Variants in TIAM1 observed in about 807,000 individuals in gnomAD.
TIAM1 encodes rho guanine nucleotide exchange factor TIAM1.
Under a neutral mutation model 163.5 loss-of-function variants are expected in TIAM1, and 65 were observed. The observed-to-expected ratio is 0.40, with a 90% confidence interval of 0.33 to 0.49. TIAM1 has a LOEUF of 0.49. Among genes scored for constraint, TIAM1 ranks in the 20% least tolerant of loss-of-function variants. The pLI is 0.77. For missense variants in TIAM1, 1,789 were observed against 2,044.7 expected, an observed-to-expected ratio of 0.87 and a Z score of 2.41; for synonymous variants, 833 against 810.1, an observed-to-expected ratio of 1.03 and a Z score of -0.48.
chr21:31,132,830 C>T (rs950570507), intron 23 of TIAM1, among the ~76,000 whole-genome samples: 1 of 152,236 alleles, frequency 6.6e-6, no homozygotes, highest in African/African-American at 2.4e-5. Context: ...CAGCCTAAAG[C>T]ATCCACTCTG....
chr21:31,235,912 A>G (rs1293306815), intron 6 of TIAM1, among the ~76,000 whole-genome samples: 2 of 152,204 alleles, frequency 1.3e-5, no homozygotes. Flanking sequence ...GCACTTCAAC[A>G]TCCACATTCT....
At chr21:31,496,421 G>C (rs1357748449) in intron 1 of TIAM1, among the ~76,000 whole-genome samples, 6 of 90,518 alleles carry the variant, frequency 6.6e-5, no homozygotes, top group Admixed American at 4.5e-4. Flanking sequence ...AGTGAGCCAA[G>C]ATTGCATCAC....
At chr21:31,305,604 C>T (rs943214998) in intron 2 of TIAM1, among the ~76,000 whole-genome samples, 14 of 152,122 alleles carry the variant, frequency 9.2e-5, no homozygotes, top group African/African-American at 2.7e-4. Context: ...ATTTTATCAA[C>T]GGCCAGTTGC....
At chr21:31,551,272 G>T (rs1569428483) in intron 1 of TIAM1, among the ~76,000 whole-genome samples, 1 of 151,932 alleles carries the variant, frequency 6.6e-6, no homozygotes, top group Non-Finnish European at 1.5e-5. Flanking sequence ...GCTGGACGTG[G>T]TGGCTCACAC....
At chr21:31,174,710 C>A (rs916187908) in intron 15 of TIAM1, among the ~76,000 whole-genome samples, 2 of 152,172 alleles carry the variant, frequency 1.3e-5, no homozygotes, top group East Asian at 1.9e-4. Flanking sequence ...CGCAGTGGTG[C>A]GATCCCGGCT....
intron 1 of TIAM1, among the ~76,000 whole-genome samples, chr21:31,509,458 G>A (rs543001893): frequency 5.9e-5 from 9 of 152,286 alleles, no homozygotes; most frequent in South Asian, 2.1e-4. Context: ...CTTCCCACCC[G>A]CTCCTCGGGC....
chr21:31,143,596 T>C (rs2082964609), intron 20 of TIAM1, among the ~76,000 whole-genome samples: 1 of 151,898 alleles, frequency 6.6e-6, no homozygotes, highest in Admixed American at 6.6e-5. Flanking sequence ...ATAGATTTTA[T>C]TAGAAAGTTT....
intron 15 of TIAM1, among the ~76,000 whole-genome samples, chr21:31,173,532 A>AAGAGAGAG (rs57981769): frequency 8.8e-5 from 13 of 148,102 alleles, no homozygotes; most frequent in East Asian, 6.0e-4. Context: ...GAGCGAGAGA[A>AAGAGAGAG]AGAGAGAGAG....
chr21:31,536,374 C>T (rs2048134534), intron 1 of TIAM1, among the ~76,000 whole-genome samples: 1 of 152,174 alleles, frequency 6.6e-6, no homozygotes. Context: ...ATGGCACCTG[C>T]CCATGCAAGC....
intron 1 of TIAM1, among the ~76,000 whole-genome samples, chr21:31,472,720 T>C (rs1441650957): frequency 6.6e-6 from 1 of 152,206 alleles, no homozygotes; most frequent in Non-Finnish European, 1.5e-5. Flanking sequence ...TTCTGTAATT[T>C]AATGTTCCTA....
At chr21:31,487,193 T>C (rs1294642649) in intron 1 of TIAM1, among the ~76,000 whole-genome samples, 3 of 152,202 alleles carry the variant, frequency 2.0e-5, no homozygotes, top group Admixed American at 6.5e-5. Context: ...TTTGATGGTG[T>C]CTGAAAACAG....
At chr21:31,292,586 T>G (rs1187244243) in intron 2 of TIAM1, among the ~76,000 whole-genome samples, 1 of 151,684 alleles carries the variant, frequency 6.6e-6, no homozygotes, top group Non-Finnish European at 1.5e-5. Context: ...GCTAGGCTGG[T>G]CTCAAACTCC....
At chr21:31,431,381 G>A (rs9982302) in intron 2 of TIAM1, among the ~76,000 whole-genome samples, 1 of 152,066 alleles carries the variant, frequency 6.6e-6, no homozygotes, top group Admixed American at 6.5e-5. Context: ...GGGGTGGATG[G>A]GGGTGGGCAA....
chr21:31,265,280 C>T (rs73353374), intron 4 of TIAM1, among the ~76,000 whole-genome samples: 2,358 of 150,504 alleles, frequency 0.016, 71 homozygotes, highest in African/African-American at 0.055. Context: ...AGTTTCCTCC[C>T]CACGGTTTCG....
intron 1 of TIAM1, among the ~76,000 whole-genome samples, chr21:31,501,389 G>A (rs1026684108): frequency 2.0e-5 from 3 of 152,068 alleles, no homozygotes; most frequent in African/African-American, 7.2e-5. Context: ...GAAGAGAAGG[G>A]GGAGAGAGTC....
intron 5 of TIAM1, 39 bp downstream of exon 5, chr21:31,251,703 G>A (rs1180963427): frequency 6.5e-7 from 1 of 1,535,212 alleles, no homozygotes. Context: ...CACCTCTATT[G>A]GTGCATTTGG....
upstream of TIAM1, among the ~76,000 whole-genome samples, chr21:31,349,259 A>G (rs546295606): frequency 6.6e-5 from 10 of 152,354 alleles, no homozygotes; most frequent in Admixed American, 3.9e-4. Flanking sequence ...TTGGTAGCCC[A>G]CATTCTTCTA....
chr21:31,406,225 G>T (rs2077245417), intron 2 of TIAM1, among the ~76,000 whole-genome samples: 1 of 150,586 alleles, frequency 6.6e-6, no homozygotes, highest in South Asian at 2.1e-4. Context: ...TCTTGAGCAG[G>T]TTCCCAAGAT....
intron 1 of TIAM1, among the ~76,000 whole-genome samples, chr21:31,542,929 C>T (rs879489471): frequency 2.0e-5 from 3 of 151,912 alleles, no homozygotes; most frequent in Admixed American, 1.3e-4. Context: ...GACTGCGCCA[C>T]GGAACTCCAG....
Sources: allele counts gnomAD v4.1 joint callset (sites outside exome capture counted in the v4.1 genomes callset), GRCh38; gene constraint gnomAD v4.1.1; transcripts MANE v1.5; gene names NCBI Gene and HGNC (gene_info 2026-07-23, HGNC 2026-07-21).